UBN2: variants seen among roughly 807,000 people sequenced by gnomAD.
UBN2 encodes the protein ubinuclein-2.
A neutral mutation model predicts 120.2 loss-of-function variants in UBN2; 35 were observed. The ratio of observed to expected loss-of-function variants is 0.29; its 90% CI spans 0.22 to 0.39. The LOEUF (loss-of-function observed/expected upper bound fraction) is 0.39, where lower values mean the gene tolerates loss of function less well. Ranked by LOEUF, UBN2 falls within the 10% of genes least tolerant of loss-of-function variation. The pLI is 1.00. For missense variants in UBN2, 1,693 were observed against 1,663.2 expected (o/e 1.02, Z -0.31); for synonymous variants, 661 against 648.7 (o/e 1.02, Z -0.29).
At chr7:139,262,948 C>A (rs142053514) in intron 6 of UBN2, among the ~76,000 whole-genome samples, 127 of 152,076 alleles carry the variant, frequency 8.4e-4, no homozygotes, top group African/African-American at 2.9e-3. Context: ...TAATAGCTAT[C>A]GTTTATTTAG....
chr7:139,253,100 A>G (rs1563207538), intron 3 of UBN2, among the ~76,000 whole-genome samples: 1 of 152,240 alleles, frequency 6.6e-6, no homozygotes, highest in Non-Finnish European at 1.5e-5. Flanking sequence ...ATACTTATAT[A>G]TTAGTACATG....
intron 2 of UBN2, among the ~76,000 whole-genome samples, chr7:139,237,938 A>G (rs377056701): frequency 3.3e-5 from 5 of 152,224 alleles, no homozygotes; most frequent in African/African-American, 1.2e-4. Flanking sequence ...CTAAATATTC[A>G]TGTACATTTT....
chr7:139,326,406 A>G, the UBN2 span, among the ~76,000 whole-genome samples: 2 of 152,200 alleles, frequency 1.3e-5, no homozygotes, highest in African/African-American at 2.4e-5. Flanking sequence ...GACCTCCAGA[A>G]CACATTACAA....
intron 13 of UBN2, among the ~76,000 whole-genome samples, chr7:139,280,166 G>A (rs1797563912): frequency 6.6e-6 from 1 of 152,138 alleles, no homozygotes; most frequent in African/African-American, 2.4e-5. Flanking sequence ...GCAGACCTGA[G>A]CTTGCAGTCT....
At chr7:139,257,434 A>T (rs527272168) in intron 3 of UBN2, among the ~76,000 whole-genome samples, 1 of 152,290 alleles carries the variant, frequency 6.6e-6, no homozygotes, top group Non-Finnish European at 1.5e-5. Flanking sequence ...TTTGAGACAG[A>T]GTCTCGCTGT....
chr7:139,232,296 T>TG (rs1160633219), intron 1 of UBN2, among the ~76,000 whole-genome samples: 1 of 152,256 alleles, frequency 6.6e-6, no homozygotes, highest in Non-Finnish European at 1.5e-5. Flanking sequence ...GCAGGCCGTG[T>TG]GGCTGGGTTC....
intron 2 of UBN2, among the ~76,000 whole-genome samples, chr7:139,246,468 A>G (rs918784204): frequency 6.6e-6 from 1 of 152,240 alleles, no homozygotes; most frequent in African/African-American, 2.4e-5. Flanking sequence ...ATGGAAAGGA[A>G]GCTGTAGATA....
intron 2 of UBN2, among the ~76,000 whole-genome samples, chr7:139,237,451 C>T (rs12531387): frequency 0.089 from 13,540 of 152,092 alleles, 1,069 homozygotes; most frequent in Admixed American, 0.21. Context: ...GGCAACACCA[C>T]ACCCAGCTAA....
chr7:139,264,008 A>G (rs753309695), intron 6 of UBN2, among the ~76,000 whole-genome samples: 1 of 152,188 alleles, frequency 6.6e-6, no homozygotes, highest in Non-Finnish European at 1.5e-5. Context: ...GGTAAGTACT[A>G]TATGCATCAT....
the UBN2 span, among the ~76,000 whole-genome samples, chr7:139,328,182 T>C: frequency 6.6e-6 from 1 of 152,248 alleles, no homozygotes; most frequent in East Asian, 1.9e-4. Flanking sequence ...AGAGCTTTAA[T>C]TGATTCACAG....
chr7:139,313,674 T>G, the UBN2 span, among the ~76,000 whole-genome samples: 1 of 152,156 alleles, frequency 6.6e-6, no homozygotes, highest in Non-Finnish European at 1.5e-5. Flanking sequence ...CTTTGTTCCT[T>G]ATTGATCTAA....
intron 6 of UBN2, 145 bp downstream of exon 6, chr7:139,261,886 AT>A: frequency 1.2e-6 from 1 of 842,190 alleles, no homozygotes; most frequent in East Asian, 2.7e-5. Context: ...CAATCTGAAC[AT>A]TTTTATAACT....
At chr7:139,257,592 A>G (rs779465350) in intron 3 of UBN2, among the ~76,000 whole-genome samples, 1 of 151,788 alleles carries the variant, frequency 6.6e-6, no homozygotes, top group African/African-American at 2.4e-5. Context: ...TTGTGTGTGT[A>G]TTTTTAGTAG....
In UBN2 at chr7:139,284,293, C is replaced by T; in HGVS notation, c.3388C>T (p.Pro1130Ser). ...ACAGTCTCCCACCTTGAATTTATTG[C>T]CCTCTAGTCGCACTTCAGGCCTTCC... Reference protein sequence around the residue: ...SRQSPTLNLLPSSRTSGLPPT... With the variant: ...SRQSPTLNLLSSSRTSGLPPT... Residue 1130 changes from proline to serine, a missense_variant, in exon 15 of 18, where the codon CCC (proline) becomes TCC (serine). Physicochemically the swap from Pro to Ser is moderately conservative, Grantham distance 74. Around this residue, in one of 5 missense-constraint regions of UBN2, gnomAD observed 837 missense variants for 817.6 expected, o/e 1.02. Coordinates refer to ENST00000473989, the MANE Select transcript of UBN2 (RefSeq NM_173569.4). The T allele has an allele frequency of 6.2e-7, 1 of 1,614,150 alleles. No homozygotes were observed. Among genetic ancestry groups the T allele is most frequent in the Non-Finnish European group, 8.5e-7 (1 of 1,180,024 alleles).
Position 139,283,359 on chromosome 7 carries a change from C to CA in UBN2, c.2460dup (p.Leu821ThrfsTer46). ...TGAGTAAGCTGCCACTAGCTACTCC[C>CA]AAAAAACTAGATTCTACTCAGACTA... On this transcript the variant is annotated frameshift_variant, in exon 15 of 18. Transcript: ENST00000473989. LOFTEE classifies it high-confidence loss of function. 1 of 1,613,818 alleles carries CA rather than the reference C, an allele frequency of 6.2e-7. No individual in the cohort carries two copies. The highest frequency in any genetic ancestry group is 8.5e-7 in the Non-Finnish European group (1 of 1,179,984).
Position 139,306,033 on chromosome 7 carries a change from T to C in UBN2, c.*8197T>C, listed in dbSNP as rs1295240422. 4 of 152,238 alleles carry C rather than the reference T, an allele frequency of 2.6e-5. No homozygotes were observed. Among genetic ancestry groups the C allele is most frequent in the African/African-American group, 9.6e-5 (4 of 41,458 alleles). 9.4% of individuals were successfully genotyped at this position (152,238 alleles called of 1,614,324 possible). On this transcript the variant is annotated 3_prime_UTR_variant, in exon 18 of 18. Transcript: ENST00000473989. ...TTTGCTAATAATAATATAATGATTT[T>C]ATTGTAAATCTGTGTTTTAAATATT...
At chr7:139,311,954 G>A (rs1798454007), downstream of UBN2, among the ~76,000 whole-genome samples, 1 of 152,192 alleles carries the variant, frequency 6.6e-6, no homozygotes, top group African/African-American at 2.4e-5. Flanking sequence ...GGCTCCGCAG[G>A]GAGTCCGTGA....
intron 2 of UBN2, among the ~76,000 whole-genome samples, chr7:139,251,070 A>G (rs969629472): frequency 1.3e-5 from 2 of 152,024 alleles, no homozygotes; most frequent in Admixed American, 6.6e-5. Flanking sequence ...ATGCCACTGC[A>G]CTCCAGCCTG....
At chr7:139,324,510 C>G in the UBN2 span, among the ~76,000 whole-genome samples, 936 of 138,398 alleles carry the variant, frequency 6.8e-3, 5 homozygotes, top group Middle Eastern at 0.023. Flanking sequence ...GAGCCGAGAT[C>G]GCGCCACAGC....
Sources: gnomAD v4.1 joint callset for allele counts (sites outside exome capture counted in the v4.1 genomes callset) on GRCh38, gnomAD v4.1.1 for gene constraint, gnomAD v4.1.1 regional missense constraint, MANE v1.5 for transcripts, NCBI Gene and HGNC (gene_info 2026-07-23, HGNC 2026-07-21) for gene names.